SLC35F6: variants seen among roughly 807,000 people sequenced by gnomAD.
SLC35F6 encodes the protein solute carrier family 35 member F6, also known as ANT2-binding protein.
A neutral mutation model predicts 29.4 loss-of-function variants in SLC35F6; 26 were observed. The observed-to-expected ratio is 0.89, with a 90% CI of 0.65 to 1.23. The LOEUF is 1.23. Ranked by LOEUF, SLC35F6 falls within the 50% of genes most tolerant of loss-of-function variation. The pLI, the probability that SLC35F6 is intolerant of heterozygous loss-of-function variation, is 0.00. For missense variants in SLC35F6, 428 were observed against 487.8 expected (o/e 0.88, Z 1.15); for synonymous variants, 174 against 206.6 (o/e 0.84, Z 1.35).
chr2:26,764,615 G>T (rs772397648), intron 1 of SLC35F6, among the ~76,000 whole-genome samples, 189 bp downstream of exon 1: 9 of 152,204 alleles, frequency 5.9e-5, no homozygotes, highest in Non-Finnish European at 1.0e-4. Context: ...CGCCCCGGAC[G>T]GGGGGATCCG....
intron 1 of SLC35F6, among the ~76,000 whole-genome samples, chr2:26,768,198 T>G (rs989443753): frequency 6.6e-6 from 1 of 152,098 alleles, no homozygotes; most frequent in Non-Finnish European, 1.5e-5. Context: ...AAGCCTTAAC[T>G]CAGGAGGACA....
At chr2:26,772,429 A>G (rs1232160055) in intron 1 of SLC35F6, among the ~76,000 whole-genome samples, 2 of 152,248 alleles carry the variant, frequency 1.3e-5, no homozygotes, top group Non-Finnish European at 2.9e-5. Flanking sequence ...CTGCCTATGC[A>G]GGATATGCTG....
chr2:26,775,995 T>C lies in SLC35F6; in HGVS notation c.535+319T>C, dbSNP rs1379477489. Among the ~76,000 whole-genome samples the C allele has an allele frequency of 1.3e-5, 2 of 152,156 alleles. No homozygotes were observed. The highest frequency in any genetic ancestry group is 2.9e-5 in the Non-Finnish European group (2 of 68,028). On this transcript the variant is annotated intron_variant, in intron 4 of 5. Transcript: ENST00000344420. This position sits in a 1 kb window ranked among gnomAD's most constrained non-coding sequence, Gnocchi z 4.6. Reference sequence around the variant, plus strand: ...CCTGGTGCTGAGCACTGTGTGTTCATCATCACAGTGACTCCCACAGGCCCC... The same window carrying C: ...CCTGGTGCTGAGCACTGTGTGTTCACCATCACAGTGACTCCCACAGGCCCC...
In SLC35F6 at chr2:26,778,270, G is replaced by A. The variant is rs1418953916; in HGVS notation, c.875G>A (p.Arg292His). ...SVTKELSATT[R>H]MVLDSLRTVV... is the part of the protein sequence containing the mutation. ...ACCAAGGAACTGAGCGCCACCACCCGCATGGTGTTGGACAGCTTGCGCACC... is the reference window on the plus strand; with the variant it reads ...ACCAAGGAACTGAGCGCCACCACCCACATGGTGTTGGACAGCTTGCGCACC... Residue 292 changes from arginine to histidine, a missense_variant, in exon 6 of 6, where the codon CGC becomes CAC. By Grantham distance (29) the Arg-to-His change is conservative (BLOSUM62 0). Transcript: ENST00000344420. 5.6e-6 allele frequency: 9 copies of A among 1,614,024 alleles called. No individual in the cohort carries two copies. Among genetic ancestry groups the A allele is most frequent in the South Asian group, 2.2e-5 (2 of 91,082 alleles).
Position 26,778,026 on chromosome 2 carries a change from T to C in SLC35F6, c.647-16T>C. The C allele has an allele frequency of 6.3e-7, 1 of 1,599,164 alleles. No homozygotes were observed. The highest frequency in any genetic ancestry group is 2.2e-5 in the East Asian group (1 of 44,598). On this transcript the variant is annotated splice_polypyrimidine_tract_variant and intron_variant, in intron 5 of 5. Coordinates refer to ENST00000344420, the MANE Select transcript of SLC35F6 (RefSeq NM_017877.4). ...GGGGGAAGGTGGAGAGTGTAACTGT[T>C]TCCTCTACTCCCCAGGCCTCTTTGG...
At chr2:26,767,213 A>G (rs142326416) in intron 1 of SLC35F6, among the ~76,000 whole-genome samples, 2,205 of 152,274 alleles carry the variant, frequency 0.014, 33 homozygotes, top group Non-Finnish European at 0.022. Context: ...TGGAAGTTGT[A>G]AACCTGTAAG....
Position 26,778,470 on chromosome 2 carries a change from C to A in SLC35F6, c.1075C>A (p.Leu359Met). The change falls in exon 6 of 6, where the codon CTG (leucine) becomes ATG (methionine). Residue 359 changes from leucine (L) to methionine (M), a missense_variant. By Grantham distance (15) the Leu-to-Met change is conservative. Transcript: ENST00000344420. The part of the protein sequence containing the change: ...PLAEESEQER[L>M]LGGTRTPIND... ...GGCAGAGGAGAGCGAGCAGGAGAGA[C>A]TGCTGGGTGGCACCCGCACTCCCAT... is the stretch of plus-strand genomic sequence containing the variant. 6.2e-7 allele frequency: 1 copy of A among 1,612,640 alleles called. No homozygotes were observed. Among genetic ancestry groups the A allele is most frequent in the Middle Eastern group, 1.7e-4 (1 of 5,984 alleles).
intron 1 of SLC35F6, among the ~76,000 whole-genome samples, chr2:26,773,763 C>G (rs1572633351): frequency 6.6e-6 from 1 of 151,684 alleles, no homozygotes; most frequent in Non-Finnish European, 1.5e-5. Context: ...CAGGCTTGTA[C>G]CACCACGCCC....
intron 1 of SLC35F6, chr2:26,764,750 C>G (rs936706875): frequency 2.1e-6 from 2 of 974,582 alleles, no homozygotes; most frequent in African/African-American, 1.7e-5. Flanking sequence ...CCTCCCTCCA[C>G]GAGCTGGGAG....
intron 1 of SLC35F6, chr2:26,764,844 G>C (rs1378958095): frequency 9.1e-6 from 9 of 985,280 alleles, no homozygotes; most frequent in Non-Finnish European, 1.1e-5. Flanking sequence ...TCAAGCGGCA[G>C]ACAGGGAGGT....
chr2:26,778,302 A>C lies in SLC35F6; in HGVS notation c.907A>C (p.Ile303Leu), dbSNP rs780381802. Residue 303 changes from isoleucine to leucine, a missense_variant, in exon 6 of 6, where the codon ATC (isoleucine) becomes CTC (leucine). By Grantham distance (5) the Ile-to-Leu change is conservative. Transcript: ENST00000344420. Reference sequence around the variant, plus strand: ...GTTGGACAGCTTGCGCACCGTTGTCATCTGGGCACTGAGCCTGGCACTGGG... The same window carrying C: ...GTTGGACAGCTTGCGCACCGTTGTCCTCTGGGCACTGAGCCTGGCACTGGG... ...MVLDSLRTVV[I>L]WALSLALGWE... 7 of 1,614,060 alleles carry C rather than the reference A, an allele frequency of 4.3e-6. No homozygotes were observed. In the African/African-American group the frequency reaches 6.7e-5, roughly 15 times the overall value.
chr2:26,778,223 C>T lies in SLC35F6; in HGVS notation c.828C>T (p.Phe276=). The change falls in exon 6 of 6, where the codon TTC becomes TTT. Residue 276 remains phenylalanine (F), a synonymous_variant. Transcript: ENST00000344420. ...GCAACATCAGCAGCATTGCCTTCTT[C>T]AACTTCGCAGGCATCAGCGTCACCA... ...LLGNISSIAF[F]NFAGISVTKE... is the part of the protein sequence containing the mutation. 6.2e-7 allele frequency: 1 copy of T among 1,614,200 alleles called. No individual in the cohort carries two copies. Among genetic ancestry groups the T allele is most frequent in the Middle Eastern group, 1.6e-4 (1 of 6,062 alleles).
chr2:26,779,694 C>T lies in SLC35F6; in HGVS notation c.*1183C>T, dbSNP rs1664373161. ...CCACATCCGGCTAATTTTTTGCATT[C>T]TTTAATAGAGACGGGGTTTTGCCAT... On this transcript the variant is annotated 3_prime_UTR_variant, in exon 6 of 6. Coordinates refer to ENST00000344420, the MANE Select transcript of SLC35F6 (RefSeq NM_017877.4). The T allele has an allele frequency of 6.6e-6, 1 of 151,722 alleles. No homozygotes were observed. The highest frequency in any genetic ancestry group is 1.5e-5 in the Non-Finnish European group (1 of 68,020). The allele number at this position is 151,722 out of a possible 1,614,324, so 9.4% of individuals were successfully genotyped here. A position where few individuals can be genotyped will look rare whatever the true frequency, so the allele number is the denominator to read the frequency against.
intron 1 of SLC35F6, among the ~76,000 whole-genome samples, chr2:26,773,813 A>T (rs1572633387): frequency 6.6e-6 from 1 of 151,978 alleles, no homozygotes; most frequent in African/African-American, 2.4e-5. Flanking sequence ...GGGTTTCACC[A>T]TGTTGGCCAG....
intron 5 of SLC35F6, among the ~76,000 whole-genome samples, chr2:26,777,030 C>T (rs1664313100): frequency 6.6e-6 from 1 of 152,202 alleles, no homozygotes. Flanking sequence ...GCAAAACCGT[C>T]TCTACAAAAA....
chr2:26,766,200 AC>A (rs1664093208), intron 1 of SLC35F6, among the ~76,000 whole-genome samples: 1 of 152,142 alleles, frequency 6.6e-6, no homozygotes, highest in African/African-American at 2.4e-5. Context: ...CCCAAATTGG[AC>A]CCTAAACAGT....
intron 5 of SLC35F6, among the ~76,000 whole-genome samples, chr2:26,777,029 T>G (rs751519345): frequency 6.6e-6 from 1 of 152,056 alleles, no homozygotes; most frequent in African/African-American, 2.4e-5. Flanking sequence ...GGCAAAACCG[T>G]CTCTACAAAA....
rs756977609 is a variant in SLC35F6 at position 26,775,423 on chromosome 2, C to T, written c.323-41C>T. ...AGACCCCTTAGTGACAGATGGCCTT[C>T]GCCTTGGGAAGCTAACTGTAATTTG... is the stretch of plus-strand genomic sequence containing the variant. On this transcript the variant is annotated intron_variant, in intron 3 of 5. Transcript: ENST00000344420. The surrounding 1 kb of genome is among the most constrained non-coding windows in gnomAD (Gnocchi z 4.6). The T allele has an allele frequency of 4.6e-5, 74 of 1,598,542 alleles. 1 individual carries two copies. The Middle Eastern group carries it at 6.8e-4, about 15-fold the overall frequency.
intron 5 of SLC35F6, among the ~76,000 whole-genome samples, chr2:26,777,121 C>G (rs1240916301): frequency 1.3e-5 from 2 of 152,240 alleles, no homozygotes; most frequent in Non-Finnish European, 2.9e-5. Flanking sequence ...ATCGCCTGAA[C>G]TGGGGGAGCA....
Sources: gnomAD v4.1 joint callset for allele counts (sites outside exome capture counted in the v4.1 genomes callset) on GRCh38, gnomAD v4.1.1 for gene constraint, Gnocchi (gnomAD v3.1) non-coding constraint, MANE v1.5 for transcripts, NCBI Gene and HGNC (gene_info 2026-07-23, HGNC 2026-07-21) for gene names.